AKAP8: variants seen among roughly 807,000 people sequenced by gnomAD.
AKAP8 encodes A-kinase anchoring protein 8.
In AKAP8, 24 loss-of-function variants were observed where a neutral mutation model predicts 67.5. That is an observed-to-expected ratio of 0.36 (90% CI 0.26 to 0.50). The LOEUF (loss-of-function observed/expected upper bound fraction) is 0.50, where lower values mean the gene tolerates loss of function less well. AKAP8 is among the 20% of genes least tolerant of loss of function. The probability of loss-of-function intolerance (pLI) is 0.97; values close to 1 mark genes in which losing one functional copy is unlikely to be tolerated. For synonymous variants in AKAP8, 400 were observed against 371.1 expected (o/e 1.08, Z -0.90); for missense variants, 971 against 955.9 (o/e 1.02, Z -0.21).
At position 15,368,314 on chromosome 19, in the gene AKAP8, C is replaced by T. The variant is rs916514675; in HGVS notation, c.1081G>A (p.Glu361Lys). 9 of 1,613,736 alleles carry T rather than the reference C, an allele frequency of 5.6e-6. No individual in the cohort carries two copies. Among genetic ancestry groups the T allele is most frequent in the Non-Finnish European group, 5.9e-6 (7 of 1,179,986 alleles). Residue 361 changes from glutamate (E) to lysine (K), a missense_variant, in exon 9 of 14, where the codon GAG (glutamate) becomes AAG (lysine). Glu to Lys is a moderately conservative substitution (Grantham distance 56). This residue lies in a region of AKAP8 where 763 missense variants were observed against 745.4 expected (regional missense o/e 1.02). Transcript: ENST00000269701. ...CDSGRQRGEK[E>K]DEDEDVKKRR... ...TTCTTCACATCCTCGTCCTCGTCCT[C>T]CTTCTCTCCTGTAACAGACAAGTCC...
intron 6 of AKAP8, 70 bp downstream of exon 6, chr19:15,372,148 C>T (rs1049350834): frequency 1.9e-6 from 3 of 1,608,280 alleles, no homozygotes; most frequent in African/African-American, 1.3e-5. Context: ...ACAGATGGGG[C>T]AAGCAGAGCC....
At chr19:15,355,797 C>T (rs559186808) in intron 13 of AKAP8, among the ~76,000 whole-genome samples, 13 of 151,508 alleles carry the variant, frequency 8.6e-5, no homozygotes, top group Non-Finnish European at 1.3e-4. Flanking sequence ...AGTGCAATGG[C>T]GCGATCTCAG....
intron 9 of AKAP8, among the ~76,000 whole-genome samples, chr19:15,366,816 T>C (rs1255314176): frequency 1.3e-5 from 2 of 151,574 alleles, no homozygotes; most frequent in Non-Finnish European, 2.9e-5. Context: ...TCCATGTTGG[T>C]CAGGCTGGTC....
chr19:15,374,206 G>A (rs1231484081), intron 3 of AKAP8, 141 bp from the exon 4 acceptor site: 2 of 1,046,392 alleles, frequency 1.9e-6, no homozygotes, highest in East Asian at 5.2e-5. Context: ...ACTTCACACT[G>A]CACTGTGACC....
chr19:15,371,886 A>T lies in AKAP8; in HGVS notation c.1038+66T>A, dbSNP rs192962600. 38 of 1,556,590 alleles carry T rather than the reference A, an allele frequency of 2.4e-5. No homozygotes were observed. The Admixed American group carries it at 6.3e-4, about 26-fold the overall frequency. Reference sequence around the variant, plus strand: ...TGGCAGCTGCTCCTGCCCCTTTGTGAGGAAGGGTGATTAAAGAAAGAAGAA... The same window carrying T: ...TGGCAGCTGCTCCTGCCCCTTTGTGTGGAAGGGTGATTAAAGAAAGAAGAA... On this transcript the variant is annotated intron_variant, in intron 7 of 13. Transcript: ENST00000269701.
intron 5 of AKAP8, 60 bp downstream of exon 5, chr19:15,372,791 T>G: frequency 1.4e-6 from 2 of 1,454,608 alleles, no homozygotes; most frequent in East Asian, 2.4e-5. Context: ...AAATTTTACC[T>G]CAATAAAGCT....
At chr19:15,377,548 A>C (rs10421905) in intron 1 of AKAP8, among the ~76,000 whole-genome samples, 1,672 of 152,224 alleles carry the variant, frequency 0.011, 36 homozygotes, top group African/African-American at 0.038. Flanking sequence ...GGCTCACTGC[A>C]AGCTCCGCCT....
Position 15,373,351 on chromosome 19 carries a change from A to ATTCT in AKAP8, c.372-12_372-11insAGAA. 6.3e-7 allele frequency: 1 copy of ATTCT among 1,597,032 alleles called. No individual in the cohort carries two copies. The highest frequency in any genetic ancestry group is 8.5e-7 in the Non-Finnish European group (1 of 1,171,094). On this transcript the variant is annotated splice_polypyrimidine_tract_variant and intron_variant, in intron 4 of 13. Coordinates refer to ENST00000269701, the MANE Select transcript of AKAP8 (RefSeq NM_005858.4). ...TGGAAGCGGAAGGAGCTGCAACAGA[A>ATTCT]GCACAGCCCATCAGGGGCGGTCACC...
chr19:15,367,690 G>C (rs1438083355), intron 9 of AKAP8, among the ~76,000 whole-genome samples: 1 of 152,196 alleles, frequency 6.6e-6, no homozygotes, highest in Non-Finnish European at 1.5e-5. Context: ...GACATCCTTT[G>C]GGCTCAACAT....
chr19:15,370,255 C>T, intron 7 of AKAP8, 76 bp from the exon 8 acceptor site: 4 of 1,561,766 alleles, frequency 2.6e-6, no homozygotes, highest in Non-Finnish European at 3.5e-6. Context: ...AGTCCCTGGC[C>T]ACTGCCTGGT....
chr19:15,356,608 T>C (rs1418608482), intron 13 of AKAP8, among the ~76,000 whole-genome samples: 1 of 152,066 alleles, frequency 6.6e-6, no homozygotes, highest in East Asian at 1.9e-4. Context: ...AATCCAAGTC[T>C]GACTCCCTCA....
Position 15,355,121 on chromosome 19 carries a change from G to A in AKAP8, c.1873C>T (p.Leu625=). Residue 625 remains leucine, a synonymous_variant, in exon 14 of 14, where the codon CTG becomes TTG. Coordinates refer to ENST00000269701, the MANE Select transcript of AKAP8 (RefSeq NM_005858.4). The part of the protein sequence containing the change: ...AGSDPQAEQL[L]EEQVPCGTAH... Reference sequence around the variant, plus strand: ...GTTCCACAGGGCACCTGCTCTTCCAGCAGCTGTTCGGCTTGAGGATCACTA... The same window carrying A: ...GTTCCACAGGGCACCTGCTCTTCCAACAGCTGTTCGGCTTGAGGATCACTA... 1.2e-6 allele frequency: 2 copies of A among 1,613,684 alleles called. No individual in the cohort carries two copies. The highest frequency in any genetic ancestry group is 1.7e-6 in the Non-Finnish European group (2 of 1,180,048).
At chr19:15,367,507 G>A (rs992077092) in intron 9 of AKAP8, among the ~76,000 whole-genome samples, 2 of 152,254 alleles carry the variant, frequency 1.3e-5, no homozygotes, top group Middle Eastern at 3.4e-3. Context: ...CAGCCTGGGC[G>A]ACAGAGCAAG....
At chr19:15,378,442 T>TAAAAAAAACCTCTCC (rs1555695558) in intron 1 of AKAP8, among the ~76,000 whole-genome samples, 3 of 150,290 alleles carry the variant, frequency 2.0e-5, no homozygotes, top group Non-Finnish European at 4.4e-5. Context: ...GAAGAGGGGG[T>TAAAAAAAACCTCTCC]AAAAAAAACC....
rs539247292 is a variant in AKAP8, at chr19:15,353,618, G to C, written c.*1297C>G. Reference sequence around the variant, plus strand: ...TCCACTAAGGCTCCTCATGAGCAGGGCCCAATTCCTAGAATGTGCTTGGTG... The same window carrying C: ...TCCACTAAGGCTCCTCATGAGCAGGCCCCAATTCCTAGAATGTGCTTGGTG... On this transcript the variant is annotated 3_prime_UTR_variant, in exon 14 of 14. Coordinates refer to ENST00000269701, the MANE Select transcript of AKAP8 (RefSeq NM_005858.4). 1 of 152,186 alleles carries C rather than the reference G, an allele frequency of 6.6e-6. No individual in the cohort carries two copies. Among genetic ancestry groups the C allele is most frequent in the Non-Finnish European group, 1.5e-5 (1 of 68,014 alleles). 9.4% of individuals were successfully genotyped at this position (152,186 alleles called of 1,614,324 possible). A position where few individuals can be genotyped will look rare whatever the true frequency, so the allele number is the denominator to read the frequency against.
At chr19:15,362,535 T>G (rs1194608202) in intron 9 of AKAP8, among the ~76,000 whole-genome samples, 1 of 152,070 alleles carries the variant, frequency 6.6e-6, no homozygotes, top group Non-Finnish European at 1.5e-5. Context: ...TTTTCGTATT[T>G]TTTTGGTGGA....
chr19:15,367,080 G>A (rs930109929), intron 9 of AKAP8, among the ~76,000 whole-genome samples: 1 of 151,974 alleles, frequency 6.6e-6, no homozygotes, highest in Admixed American at 6.5e-5. Flanking sequence ...GCTAATTTTT[G>A]TAATTTTAGT....
rs557566826 is a variant in AKAP8, at chr19:15,373,325, C to G, written c.387G>C (p.Gln129His). 89 of 1,608,750 alleles carry G rather than the reference C, an allele frequency of 5.5e-5. 1 individual carries two copies. In the East Asian group the frequency reaches 2.0e-3, roughly 35 times the overall value. Residue 129 changes from glutamine (Q) to histidine (H), a missense_variant, in exon 5 of 14, where the codon CAG (glutamine) becomes CAC (histidine). Around this residue, in one of 3 missense-constraint regions of AKAP8, gnomAD observed 763 missense variants for 745.4 expected, o/e 1.02. Coordinates refer to ENST00000269701, the MANE Select transcript of AKAP8 (RefSeq NM_005858.4). Reference sequence around the variant, plus strand: ...GCCTGGAGTCATAGGACTCGAACGGCTGGAAGCGGAAGGAGCTGCAACAGA... The same window carrying G: ...GCCTGGAGTCATAGGACTCGAACGGGTGGAAGCGGAAGGAGCTGCAACAGA... ...IQDRESSFRF[Q>H]PFESYDSRPC...
At chr19:15,356,297 C>T (rs1372323503) in intron 13 of AKAP8, among the ~76,000 whole-genome samples, 4 of 151,692 alleles carry the variant, frequency 2.6e-5, no homozygotes, top group South Asian at 2.1e-4. Context: ...CCCAGCTACT[C>T]GGGAGGCTGA....
Sources: allele counts gnomAD v4.1 joint callset (sites outside exome capture counted in the v4.1 genomes callset), GRCh38; gene constraint gnomAD v4.1.1; regional missense constraint gnomAD v4.1.1; transcripts MANE v1.5; gene names NCBI Gene and HGNC (gene_info 2026-07-23, HGNC 2026-07-21).